NREP: variants seen among roughly 807,000 people sequenced by gnomAD.
NREP encodes the protein neuronal regeneration related protein.
Under a neutral mutation model 8.6 loss-of-function variants are expected in NREP, and 5 were observed. The ratio of observed to expected loss-of-function variants is 0.58; its 90% CI spans 0.30 to 1.22. The LOEUF (loss-of-function observed/expected upper bound fraction) is 1.22, where lower values mean the gene tolerates loss of function less well. Ranked by LOEUF, NREP falls within the 50% of genes most tolerant of loss-of-function variation. The pLI, the probability that NREP is intolerant of heterozygous loss-of-function variation, is 0.07. For missense variants in NREP, 86 were observed against 82.5 expected (o/e 1.04, Z -0.17); for synonymous variants, 27 against 28.0 (o/e 0.96, Z 0.11).
intron 2 of NREP, among the ~76,000 whole-genome samples, chr5:111,909,568 C>G (rs1016945997): frequency 6.6e-6 from 1 of 152,008 alleles, no homozygotes; most frequent in African/African-American, 2.4e-5. Context: ...CTTGCTTTCT[C>G]CACATGAAGC....
intron 2 of NREP, among the ~76,000 whole-genome samples, chr5:111,819,852 T>C (rs1277404081): frequency 6.6e-6 from 1 of 152,184 alleles, no homozygotes; most frequent in Non-Finnish European, 1.5e-5. Flanking sequence ...CTTGACAGTA[T>C]TTCAGGACTA....
intron 2 of NREP, among the ~76,000 whole-genome samples, chr5:111,887,076 A>G (rs1432691915): frequency 6.6e-6 from 1 of 151,924 alleles, no homozygotes; most frequent in Non-Finnish European, 1.5e-5. Flanking sequence ...GGTGCATGCC[A>G]CTATGCCCAG....
At chr5:111,873,359 G>C (rs1328212927) in intron 2 of NREP, among the ~76,000 whole-genome samples, 1 of 152,034 alleles carries the variant, frequency 6.6e-6, no homozygotes, top group Non-Finnish European at 1.5e-5. Flanking sequence ...TTGCTATATA[G>C]GCCAGAAGTC....
chr5:111,796,584 A>C (rs1751877527), intron 2 of NREP, among the ~76,000 whole-genome samples: 1 of 152,198 alleles, frequency 6.6e-6, no homozygotes, highest in Non-Finnish European at 1.5e-5. Context: ...AGAGATTACA[A>C]GGTTAGTCAC....
rs535856584 is a variant in NREP, at chr5:111,913,031, C to T, written c.135+62243G>A. 3.0e-4 allele frequency among the ~76,000 whole-genome samples: 45 copies of T among 152,210 alleles called. 1 individual carries two copies. The highest frequency in any genetic ancestry group is 1.1e-3 in the African/African-American group (44 of 41,558). ...TACAATATTGTTTACTTATTAGCTA[C>T]AATGTGTAAGACACCTACTGTACAG... On this transcript the variant is annotated intron_variant, in intron 2 of 3. Coordinates refer to the NREP transcript ENST00000395634.
At chr5:111,779,039 C>T (rs1197724636) in intron 2 of NREP, among the ~76,000 whole-genome samples, 2 of 119,338 alleles carry the variant, frequency 1.7e-5, no homozygotes. Context: ...GTCTTCCCTA[C>T]TTAACATATA....
At chr5:111,819,385 G>A (rs1342622908) in intron 2 of NREP, among the ~76,000 whole-genome samples, 3 of 152,168 alleles carry the variant, frequency 2.0e-5, no homozygotes, top group Non-Finnish European at 4.4e-5. Context: ...TGGGCTACCT[G>A]TGTCAGGAAT....
chr5:111,791,129 A>T (rs1246854928), intron 2 of NREP, among the ~76,000 whole-genome samples: 2 of 152,222 alleles, frequency 1.3e-5, no homozygotes, highest in African/African-American at 4.8e-5. Flanking sequence ...TTGGAGTGGA[A>T]CATGATGTTT....
intron 2 of NREP, among the ~76,000 whole-genome samples, chr5:111,909,813 T>A (rs1754865139): frequency 6.6e-6 from 1 of 152,138 alleles, no homozygotes; most frequent in Non-Finnish European, 1.5e-5. Context: ...CAACACCAGA[T>A]AACAATTCAT....
chr5:111,900,968 C>T (rs1168550672), intron 2 of NREP, among the ~76,000 whole-genome samples: 1 of 152,142 alleles, frequency 6.6e-6, no homozygotes, highest in Non-Finnish European at 1.5e-5. Flanking sequence ...AAGAAAACTG[C>T]ATGCCAGTAT....
At chr5:111,823,640 T>A (rs1208717484) in intron 2 of NREP, among the ~76,000 whole-genome samples, 1 of 152,236 alleles carries the variant, frequency 6.6e-6, no homozygotes, top group African/African-American at 2.4e-5. Flanking sequence ...ATTTTATTAT[T>A]AATGAAGAAT....
rs151235427 is a variant in NREP, at chr5:111,919,103, T to C, written c.135+56171A>G. On this transcript the variant is annotated intron_variant, in intron 2 of 3. Coordinates refer to the NREP transcript ENST00000395634. Reference sequence around the variant, plus strand: ...AACGGACACTTCTCAAAAGAAGACATTTATGCTGCCAAAAAACATATGAGA... The same window carrying C: ...AACGGACACTTCTCAAAAGAAGACACTTATGCTGCCAAAAAACATATGAGA... 8.0e-5 allele frequency among the ~76,000 whole-genome samples: 10 copies of C among 125,712 alleles called. No homozygotes were observed. The East Asian group carries it at 2.0e-3, about 25-fold the overall frequency. 82.5% of individuals were successfully genotyped at this position (125,712 alleles called of 152,430 possible).
intron 2 of NREP, among the ~76,000 whole-genome samples, chr5:111,754,852 T>C (rs1009289844): frequency 2.6e-5 from 4 of 152,236 alleles, no homozygotes; most frequent in African/African-American, 9.6e-5. Context: ...ACATCAAAGA[T>C]ATCAGATTAA....
chr5:111,879,712 G>C (rs1228278040), intron 2 of NREP, among the ~76,000 whole-genome samples: 1 of 152,164 alleles, frequency 6.6e-6, no homozygotes, highest in East Asian at 1.9e-4. Context: ...CACAGCTCTG[G>C]AGGCTAGAAA....
intron 2 of NREP, among the ~76,000 whole-genome samples, chr5:111,788,967 T>G (rs1254201222): frequency 6.6e-6 from 1 of 152,196 alleles, no homozygotes; most frequent in African/African-American, 2.4e-5. Context: ...GAGCATCAGC[T>G]CTTCCCGCCT....
At chr5:111,803,132 G>C (rs7443302) in intron 2 of NREP, among the ~76,000 whole-genome samples, 113,221 of 152,076 alleles carry the variant, frequency 0.74, 42,616 homozygotes, top group East Asian at 0.95. Context: ...AAGTGCCATT[G>C]ATACCAGCCA....
At chr5:111,888,679 G>A (rs1754321232) in intron 2 of NREP, among the ~76,000 whole-genome samples, 1 of 152,164 alleles carries the variant, frequency 6.6e-6, no homozygotes, top group Admixed American at 6.5e-5. Flanking sequence ...ACAACCTGTT[G>A]TACATAGTAT....
At chr5:111,930,156 T>A (rs980565083) in intron 2 of NREP, among the ~76,000 whole-genome samples, 1 of 152,142 alleles carries the variant, frequency 6.6e-6, no homozygotes, top group South Asian at 2.1e-4. Context: ...GCCTGAATTA[T>A]GCAATACTCT....
At chr5:111,935,764 C>A (rs923749103) in intron 2 of NREP, among the ~76,000 whole-genome samples, 8 of 152,068 alleles carry the variant, frequency 5.3e-5, no homozygotes, top group Non-Finnish European at 1.2e-4. Context: ...AATACCATCC[C>A]CTTTCTATCA....
Sources: allele counts gnomAD v4.1 joint callset (sites outside exome capture counted in the v4.1 genomes callset), GRCh38; gene constraint gnomAD v4.1.1; transcripts MANE v1.5; gene names NCBI Gene and HGNC (gene_info 2026-07-23, HGNC 2026-07-21).